Variants in GALC observed in about 807,000 individuals in gnomAD.
GALC encodes galactosylceramidase, also known as galactocerebrosidase.
GALC carries 77 observed loss-of-function variants against 91.8 expected under a neutral mutation model. The ratio of observed to expected loss-of-function variants is 0.84; its 90% CI spans 0.70 to 1.01. The LOEUF is 1.01. Ranked by LOEUF, GALC falls within the 50% of genes least tolerant of loss-of-function variation. The pLI is 0.00. For missense variants in GALC, 882 were observed against 855.9 expected, an observed-to-expected ratio of 1.03 and a Z score of -0.38; for synonymous variants, 357 against 306.7, an observed-to-expected ratio of 1.16 and a Z score of -1.71.
Position 87,993,060 on chromosome 14 carries a change from C to A in GALC, c.105G>T (p.Ala35=). The A allele has an allele frequency of 6.4e-7, 1 of 1,571,980 alleles. No homozygotes were observed. The highest frequency in any genetic ancestry group is 1.2e-5 in the South Asian group (1 of 86,688). The change falls in exon 1 of 17, where the codon GCG becomes GCT. Residue 35 remains alanine, a synonymous_variant. Transcript: ENST00000261304. ...CGTACGCGCCGCCGGGCGCCAGCAGCGCACACAGCAGCAAGGGCACCGCGG... is the reference window on the plus strand; with the variant it reads ...CGTACGCGCCGCCGGGCGCCAGCAGAGCACACAGCAGCAAGGGCACCGCGG... ...GRAAVPLLLC[A]LLAPGGAYVL...
chr14:87,984,616 A>C, intron 4 of GALC, 83 bp from the exon 5 acceptor site: 1 of 1,426,008 alleles, frequency 7.0e-7, no homozygotes, highest in African/African-American at 1.4e-5. Flanking sequence ...TTTTTTTAAG[A>C]AAAGCATTCA....
At chr14:87,988,253 A>C (rs751437299) in intron 2 of GALC, 46 bp from the exon 3 acceptor site, 1 of 1,542,116 alleles carries the variant, frequency 6.5e-7, no homozygotes, top group Non-Finnish European at 9.0e-7. Flanking sequence ...TATTGTATGA[A>C]GCTTCAAGAC....
chr14:87,972,939 T>C (rs1335663628), intron 7 of GALC, among the ~76,000 whole-genome samples: 1 of 152,088 alleles, frequency 6.6e-6, no homozygotes, highest in Non-Finnish European at 1.5e-5. Context: ...TAAGAGAGCA[T>C]ATACTATATA....
chr14:87,938,878 C>T (rs949357446), intron 16 of GALC, among the ~76,000 whole-genome samples: 20 of 151,796 alleles, frequency 1.3e-4, no homozygotes, highest in Non-Finnish European at 2.5e-4. Flanking sequence ...ATAGTTGTGA[C>T]GTATGTAACA....
intron 10 of GALC, among the ~76,000 whole-genome samples, chr14:87,956,622 C>T (rs61977330): frequency 0.12 from 16,983 of 145,764 alleles, 1,441 homozygotes; most frequent in African/African-American, 0.23. Context: ...ACACACACAC[C>T]ATATATATAT....
chr14:87,982,353 C>T, intron 5 of GALC, 110 bp from the exon 6 acceptor site: 2 of 716,914 alleles, frequency 2.8e-6, no homozygotes, highest in Non-Finnish European at 5.0e-6. Context: ...ATCTGATACG[C>T]CATTTTTTAA....
At chr14:87,989,845 A>G (rs1887125669) in intron 1 of GALC, among the ~76,000 whole-genome samples, 1 of 152,234 alleles carries the variant, frequency 6.6e-6, no homozygotes, top group African/African-American at 2.4e-5. Flanking sequence ...CTTTCAGGAT[A>G]AAGTTCAAAT....
At chr14:87,955,848 G>A (rs538738750) in intron 10 of GALC, among the ~76,000 whole-genome samples, 1 of 152,020 alleles carries the variant, frequency 6.6e-6, no homozygotes, top group South Asian at 2.1e-4. Flanking sequence ...TGTAGAAGAA[G>A]CTCATGTAAA....
intron 1 of GALC, among the ~76,000 whole-genome samples, chr14:87,990,411 A>AT (rs1443418691): frequency 6.6e-6 from 1 of 152,232 alleles, no homozygotes; most frequent in African/African-American, 2.4e-5. Flanking sequence ...TAAGACTAAA[A>AT]TTAGATGTAT....
At chr14:87,992,525 G>A (rs1887247603) in intron 1 of GALC, 2 of 1,529,132 alleles carry the variant, frequency 1.3e-6, no homozygotes, top group Non-Finnish European at 1.7e-6. Flanking sequence ...CCAAAAGGGA[G>A]AGACACAGCC....
chr14:87,934,734 A>G lies in GALC; in HGVS notation c.2056T>C (p.Ter686GlnextTer42), dbSNP rs1406731723. The G allele has an allele frequency of 4.3e-6, 7 of 1,613,174 alleles. No homozygotes were observed. In the Admixed American group the frequency reaches 5.0e-5, roughly 12 times the overall value. ...ATTCTATGATGCCCTGTTAAGTATT[A>G]GCGTGTGGCTTCCACAAGAAAGTTG... ...FDNFLVEATR* is the reference protein window; with the variant it reads ...FDNFLVEATRQ The change falls in exon 17 of 17, where the codon TAA becomes CAA. Residue 686 changes from the stop codon to glutamine, a stop_lost. Coordinates refer to ENST00000261304, the MANE Select transcript of GALC (RefSeq NM_000153.4).
intron 3 of GALC, 73 bp from the exon 4 acceptor site, chr14:87,986,675 C>G: frequency 1.2e-6 from 1 of 849,928 alleles, no homozygotes. Context: ...CACTCCCCAC[C>G]CCCACCCCAG....
chr14:87,944,111 G>T (rs1884970949), intron 14 of GALC, among the ~76,000 whole-genome samples: 1 of 151,840 alleles, frequency 6.6e-6, no homozygotes, highest in East Asian at 1.9e-4. Flanking sequence ...CTTACCCACT[G>T]CAATAGATCC....
intron 2 of GALC, 31 bp from the exon 3 acceptor site, chr14:87,988,238 T>C: frequency 1.3e-6 from 2 of 1,584,380 alleles, no homozygotes; most frequent in Non-Finnish European, 8.7e-7. Flanking sequence ...ATTAACATAG[T>C]GTTGTATTGT....
At chr14:87,937,977 A>G (rs1374006761) in intron 16 of GALC, among the ~76,000 whole-genome samples, 1 of 151,962 alleles carries the variant, frequency 6.6e-6, no homozygotes, top group African/African-American at 2.4e-5. Context: ...ATTTAATGTA[A>G]TACCAGCACC....
In GALC at chr14:87,993,182, T is replaced by C. The variant is rs904287905; in HGVS notation, c.-18A>G. 1.3e-6 allele frequency: 2 copies of C among 1,577,012 alleles called. No individual in the cohort carries two copies. Among genetic ancestry groups the C allele is most frequent in the Non-Finnish European group, 1.7e-6 (2 of 1,161,268 alleles). On this transcript the variant is annotated 5_prime_UTR_variant, in exon 1 of 17. Coordinates refer to ENST00000261304, the MANE Select transcript of GALC (RefSeq NM_000153.4). ...TCAGCCATTGTGTGGGTCACATGAC[T>C]CCGGCGCCCAGGGAGGCGGGTCCCG...
chr14:87,989,069 C>T (rs1217463841), intron 1 of GALC, among the ~76,000 whole-genome samples: 5 of 152,118 alleles, frequency 3.3e-5, no homozygotes, highest in Admixed American at 6.5e-5. Context: ...GGGTAGACAG[C>T]GCAGGGACCA....
At chr14:87,954,808 G>C (rs1885454121) in intron 10 of GALC, 1 of 1,605,864 alleles carries the variant, frequency 6.2e-7, no homozygotes, top group Admixed American at 1.7e-5. Flanking sequence ...ATATGGATTG[G>C]AACTAGAAAC....
intron 9 of GALC, among the ~76,000 whole-genome samples, chr14:87,964,751 G>A (rs975541106): frequency 2.0e-5 from 3 of 151,974 alleles, no homozygotes; most frequent in Admixed American, 2.0e-4. Flanking sequence ...TCCCTGTTGT[G>A]GGAAACCCAA....
Sources: allele counts gnomAD v4.1 joint callset (sites outside exome capture counted in the v4.1 genomes callset), GRCh38; gene constraint gnomAD v4.1.1; transcripts MANE v1.5; gene names NCBI Gene and HGNC (gene_info 2026-07-23, HGNC 2026-07-21).